The following NELL1 variants were observed in gnomAD, a reference collection of about 807,000 sequenced individuals.
The protein encoded by NELL1 is protein kinase C-binding protein NELL1.
Under a neutral mutation model 107.4 loss-of-function variants are expected in NELL1, and 76 were observed. The ratio of observed to expected loss-of-function variants is 0.71; its 90% CI spans 0.59 to 0.86. The LOEUF (loss-of-function observed/expected upper bound fraction) is 0.86, where lower values mean the gene tolerates loss of function less well. Ranked by LOEUF, NELL1 falls within the 40% of genes least tolerant of loss-of-function variation. The pLI is 0.00. For synonymous variants in NELL1, 353 were observed against 341.2 expected, an observed-to-expected ratio of 1.03 and a Z score of -0.38; for missense variants, 1,024 against 1,005.5, an observed-to-expected ratio of 1.02 and a Z score of -0.25.
At chr11:21,429,819 A>G (rs1057052701) in intron 15 of NELL1, among the ~76,000 whole-genome samples, 1 of 152,156 alleles carries the variant, frequency 6.6e-6, no homozygotes, top group African/African-American at 2.4e-5. Flanking sequence ...AAGAGTTCAG[A>G]GAGCATTTTT....
intron 4 of NELL1, among the ~76,000 whole-genome samples, chr11:20,877,815 G>T (rs1351409082): frequency 6.6e-6 from 1 of 152,130 alleles, no homozygotes; most frequent in Non-Finnish European, 1.5e-5. Context: ...ATCGATACTA[G>T]TGGCATGCAA....
chr11:21,524,613 TGCAAA>T (rs1855806146), intron 15 of NELL1, among the ~76,000 whole-genome samples: 2 of 150,052 alleles, frequency 1.3e-5, no homozygotes, highest in Non-Finnish European at 3.0e-5. Context: ...CTCGAGAGAG[TGCAAA>T]GGTTTTATGA....
chr11:21,100,671 A>G (rs1854783017), intron 12 of NELL1, among the ~76,000 whole-genome samples: 1 of 152,212 alleles, frequency 6.6e-6, no homozygotes, highest in African/African-American at 2.4e-5. Context: ...CATTATTCAC[A>G]ACAGCCAAAA....
chr11:21,364,316 C>G (rs1174878636), intron 14 of NELL1, among the ~76,000 whole-genome samples: 1 of 140,274 alleles, frequency 7.1e-6, no homozygotes, highest in Non-Finnish European at 1.5e-5. Flanking sequence ...GAGGCCGAGG[C>G]AGTAGAATGG....
chr11:20,901,998 C>T (rs181018305), intron 5 of NELL1, among the ~76,000 whole-genome samples: 6 of 152,168 alleles, frequency 3.9e-5, no homozygotes, highest in South Asian at 2.1e-4. Flanking sequence ...GGACCCCATA[C>T]ATAAAAATCA....
chr11:21,180,242 A>C (rs1856800769), intron 13 of NELL1, among the ~76,000 whole-genome samples: 1 of 151,860 alleles, frequency 6.6e-6, no homozygotes, highest in African/African-American at 2.4e-5. Context: ...GTCTGGAAGA[A>C]GAACAAACTC....
At chr11:20,979,736 G>T (rs948654882) in intron 12 of NELL1, among the ~76,000 whole-genome samples, 4 of 152,016 alleles carry the variant, frequency 2.6e-5, no homozygotes, top group Admixed American at 2.6e-4. Flanking sequence ...ATTTCTTCTT[G>T]GTGACTAGGA....
intron 13 of NELL1, among the ~76,000 whole-genome samples, chr11:21,210,182 T>C (rs1857469843): frequency 1.3e-5 from 2 of 152,208 alleles, no homozygotes; most frequent in Admixed American, 6.6e-5. Flanking sequence ...TTATGAATAA[T>C]ACTGCTATGA....
intron 2 of NELL1, among the ~76,000 whole-genome samples, chr11:20,687,777 G>A (rs1854344766): frequency 6.6e-6 from 1 of 151,876 alleles, no homozygotes; most frequent in East Asian, 1.9e-4. Context: ...ATTTTTAGTA[G>A]AGACAGGGTT....
intron 15 of NELL1, among the ~76,000 whole-genome samples, chr11:21,502,023 T>C (rs1028776377): frequency 6.6e-6 from 1 of 152,164 alleles, no homozygotes; most frequent in African/African-American, 2.4e-5. Flanking sequence ...CTCATATGTA[T>C]TGTCAGGAAC....
chr11:20,682,840 C>T (rs774517913), intron 2 of NELL1, among the ~76,000 whole-genome samples: 2 of 151,922 alleles, frequency 1.3e-5, no homozygotes, highest in Non-Finnish European at 2.9e-5. Flanking sequence ...TAGAATCATA[C>T]AGTATGTGCT....
intron 12 of NELL1, among the ~76,000 whole-genome samples, chr11:21,072,778 A>G (rs1339847884): frequency 2.0e-5 from 3 of 152,210 alleles, no homozygotes; most frequent in South Asian, 2.1e-4. Flanking sequence ...AGTATCAGTA[A>G]GGAATAACAT....
At chr11:21,562,209 T>C (rs1856866080) in intron 17 of NELL1, among the ~76,000 whole-genome samples, 1 of 152,084 alleles carries the variant, frequency 6.6e-6, no homozygotes, top group African/African-American at 2.4e-5. Flanking sequence ...AGAGCTTCTT[T>C]AATTAACTGT....
At chr11:20,756,807 A>G (rs1856304394) in intron 2 of NELL1, among the ~76,000 whole-genome samples, 1 of 152,084 alleles carries the variant, frequency 6.6e-6, no homozygotes. Context: ...GAGAGGGGGG[A>G]AATGCCTCTA....
At chr11:21,185,522 T>A (rs1856917059) in intron 13 of NELL1, among the ~76,000 whole-genome samples, 1 of 151,682 alleles carries the variant, frequency 6.6e-6, no homozygotes, top group Admixed American at 6.6e-5. Flanking sequence ...CTTACACTTC[T>A]GACCTCAGGT....
chr11:21,363,886 A>G (rs1481953831), intron 14 of NELL1, among the ~76,000 whole-genome samples: 1 of 151,974 alleles, frequency 6.6e-6, no homozygotes, highest in Non-Finnish European at 1.5e-5. Flanking sequence ...CAAAAATGAA[A>G]TGCAGAGGAA....
intron 12 of NELL1, among the ~76,000 whole-genome samples, chr11:21,088,584 A>C (rs977163733): frequency 1.3e-5 from 2 of 152,100 alleles, no homozygotes; most frequent in Admixed American, 1.3e-4. Flanking sequence ...TTTTTTCTTA[A>C]CTTTACACAC....
intron 12 of NELL1, among the ~76,000 whole-genome samples, chr11:21,038,078 AAT>A (rs1430686196): frequency 6.6e-6 from 1 of 152,158 alleles, no homozygotes; most frequent in Non-Finnish European, 1.5e-5. Flanking sequence ...TTGGCAACTG[AAT>A]GCTGTTTATG....
At chr11:21,408,578 G>A (rs1044964176) in intron 15 of NELL1, among the ~76,000 whole-genome samples, 3 of 152,048 alleles carry the variant, frequency 2.0e-5, no homozygotes, top group African/African-American at 7.2e-5. Context: ...CCCTTTGTCA[G>A]ATGAGTAGGT....
Sources: gnomAD v4.1 joint callset for allele counts (sites outside exome capture counted in the v4.1 genomes callset) on GRCh38, gnomAD v4.1.1 for gene constraint, MANE v1.5 for transcripts, NCBI Gene and HGNC (gene_info 2026-07-23, HGNC 2026-07-21) for gene names.